TIPRL: variants seen among roughly 807,000 people sequenced by gnomAD.
The protein encoded by TIPRL is TIP41-like protein.
TIPRL carries 10 observed loss-of-function variants against 32.3 expected under a neutral mutation model. The ratio of observed to expected loss-of-function variants is 0.31; its 90% CI spans 0.19 to 0.52. The LOEUF is 0.52. TIPRL is among the 20% of genes least tolerant of loss of function. TIPRL has a pLI of 0.96. For synonymous variants in TIPRL, 100 were observed against 114.0 expected, an observed-to-expected ratio of 0.88 and a Z score of 0.78; for missense variants, 250 against 328.1, an observed-to-expected ratio of 0.76 and a Z score of 1.84.
rs1025181946 is a variant in TIPRL, at chr1:168,200,981, G to C, written c.*935G>C. The C allele has an allele frequency of 6.6e-6, 1 of 152,066 alleles. No homozygotes were observed. Among genetic ancestry groups the C allele is most frequent in the African/African-American group, 2.4e-5 (1 of 41,418 alleles). The allele number at this position is 152,066 out of a possible 1,614,324, so 9.4% of individuals were successfully genotyped here. ...GAGGAGGGGGTTTTAAAATATAAAAGCAAGTTTTTCTATTTTAAGGTGCAT... is the reference window on the plus strand; with the variant it reads ...GAGGAGGGGGTTTTAAAATATAAAACCAAGTTTTTCTATTTTAAGGTGCAT... On this transcript the variant is annotated 3_prime_UTR_variant, in exon 7 of 7. Transcript: ENST00000367833.
At chr1:168,199,821 T>C in intron 6 of TIPRL, 82 bp from the exon 7 acceptor site, 1 of 1,453,948 alleles carries the variant, frequency 6.9e-7, no homozygotes. Flanking sequence ...TTTCCATGCT[T>C]TATGAATGCT....
intron 1 of TIPRL, among the ~76,000 whole-genome samples, chr1:168,181,605 A>G (rs1699964247): frequency 6.6e-6 from 1 of 151,436 alleles, no homozygotes; most frequent in Non-Finnish European, 1.5e-5. Context: ...TTGCACCAAC[A>G]TAATACAATA....
intron 4 of TIPRL, among the ~76,000 whole-genome samples, chr1:168,196,283 T>A (rs1700152425): frequency 6.6e-6 from 1 of 152,200 alleles, no homozygotes; most frequent in Non-Finnish European, 1.5e-5. Context: ...GGGTATGTTT[T>A]TAAGTCTTTT....
intron 3 of TIPRL, among the ~76,000 whole-genome samples, chr1:168,187,907 G>C (rs1360952558): frequency 1.3e-5 from 2 of 152,170 alleles, no homozygotes; most frequent in African/African-American, 4.8e-5. Context: ...AGGAAGGCGA[G>C]GCTGCAGTGA....
intron 4 of TIPRL, among the ~76,000 whole-genome samples, chr1:168,195,708 G>T (rs1700145887): frequency 6.6e-6 from 1 of 152,010 alleles, no homozygotes; most frequent in Non-Finnish European, 1.5e-5. Context: ...ACGTAGCTAG[G>T]ACTACAGGCT....
rs1700195825 is a variant in TIPRL at position 168,200,257 on chromosome 1, T to G, written c.*211T>G. 2.1e-6 allele frequency: 1 copy of G among 484,306 alleles called. No individual in the cohort carries two copies. The highest frequency in any genetic ancestry group is 3.7e-5 in the East Asian group (1 of 27,258). 30.0% of individuals were successfully genotyped at this position (484,306 alleles called of 1,614,324 possible). On this transcript the variant is annotated 3_prime_UTR_variant, in exon 7 of 7. Transcript: ENST00000367833. Reference sequence around the variant, plus strand: ...CACATTCATATTCCAGATTTATATTTTCTGGAGTTAAATTTGGATGATTTC... The same window carrying G: ...CACATTCATATTCCAGATTTATATTGTCTGGAGTTAAATTTGGATGATTTC...
intron 1 of TIPRL, 27 bp downstream of exon 1, chr1:168,179,208 G>A: frequency 6.2e-7 from 1 of 1,608,954 alleles, no homozygotes. Flanking sequence ...CGGGGTCTGG[G>A]CGCTGGCCGG....
intron 1 of TIPRL, among the ~76,000 whole-genome samples, chr1:168,181,136 C>G (rs1436813742): frequency 6.6e-6 from 1 of 151,812 alleles, no homozygotes; most frequent in African/African-American, 2.4e-5. Context: ...GCGCGTGCCA[C>G]CACGCCTGGC....
Position 168,200,138 on chromosome 1 carries a change from G to T in TIPRL, c.*92G>T, listed in dbSNP as rs1460528693. On this transcript the variant is annotated 3_prime_UTR_variant, in exon 7 of 7. Transcript: ENST00000367833. ...TTTTATTATGAGAATTAATTGCCTT[G>T]TTTATGTACAGATTTTCTGTAGCCT... 4 of 1,366,970 alleles carry T rather than the reference G, an allele frequency of 2.9e-6. No homozygotes were observed. The East Asian group carries it at 7.5e-5, about 26-fold the overall frequency. The allele number at this position is 1,366,970 out of a possible 1,614,324, so 84.7% of individuals were successfully genotyped here.
chr1:168,200,369 A>G lies in TIPRL; in HGVS notation c.*323A>G, dbSNP rs1410222299. ...CAGTCTGCATTCATCATGAAACACTATCTTCTACCAGGAGGAGGTTAATGT... is the reference window on the plus strand; with the variant it reads ...CAGTCTGCATTCATCATGAAACACTGTCTTCTACCAGGAGGAGGTTAATGT... On this transcript the variant is annotated 3_prime_UTR_variant, in exon 7 of 7. Transcript: ENST00000367833. 14 of 186,922 alleles carry G rather than the reference A, an allele frequency of 7.5e-5. No individual in the cohort carries two copies. Among genetic ancestry groups the G allele is most frequent in the Admixed American group, 7.0e-4 (12 of 17,176 alleles). 11.6% of individuals were successfully genotyped at this position (186,922 alleles called of 1,614,324 possible). A position where few individuals can be genotyped will look rare whatever the true frequency, so the allele number is the denominator to read the frequency against.
At chr1:168,184,483 T>C (rs1700004099) in intron 2 of TIPRL, among the ~76,000 whole-genome samples, 1 of 152,206 alleles carries the variant, frequency 6.6e-6, no homozygotes, top group Non-Finnish European at 1.5e-5. Context: ...AAATCAGCAA[T>C]TATTTACTTT....
intron 3 of TIPRL, among the ~76,000 whole-genome samples, chr1:168,188,974 C>T (rs1700061410): frequency 8.1e-6 from 1 of 123,502 alleles, no homozygotes; most frequent in African/African-American, 3.7e-5. Flanking sequence ...GAGCGAGACT[C>T]TGTCTCAAGA....
chr1:168,191,234 C>T (rs2102310368), intron 3 of TIPRL, 135 bp from the exon 4 acceptor site: 1 of 669,134 alleles, frequency 1.5e-6, no homozygotes, highest in Non-Finnish European at 2.3e-6. Context: ...CTAATGACAC[C>T]CAAATTTAGA....
At chr1:168,182,056 T>G (rs537754640) in intron 1 of TIPRL, among the ~76,000 whole-genome samples, 18 of 147,684 alleles carry the variant, frequency 1.2e-4, no homozygotes, top group African/African-American at 4.3e-4. Context: ...AGAGTAAGAC[T>G]CCGTCCCCCA....
intron 3 of TIPRL, among the ~76,000 whole-genome samples, chr1:168,186,131 G>A (rs1198299807): frequency 6.8e-6 from 1 of 147,872 alleles, no homozygotes; most frequent in Non-Finnish European, 1.5e-5. Flanking sequence ...AATAACGCTA[G>A]GAAGATGGAA....
intron 4 of TIPRL, among the ~76,000 whole-genome samples, chr1:168,194,440 C>T (rs1453822378): frequency 6.6e-6 from 1 of 152,216 alleles, no homozygotes; most frequent in African/African-American, 2.4e-5. Context: ...TCTCCTAATT[C>T]CTACTCTCTC....
Position 168,196,708 on chromosome 1 carries a change from A to G in TIPRL, c.612+66A>G, listed in dbSNP as rs1055750894. 28 of 1,141,012 alleles carry G rather than the reference A, an allele frequency of 2.5e-5. No homozygotes were observed. The East Asian group carries it at 4.4e-4, about 18-fold the overall frequency. The allele number at this position is 1,141,012 out of a possible 1,614,324, so 70.7% of individuals were successfully genotyped here. ...GCTTGTTTGTGTTGTTTAATTGTCA[A>G]TCTGAGAATTTGAAATTAAACAATC... On this transcript the variant is annotated intron_variant, in intron 5 of 6. Transcript: ENST00000367833.
At chr1:168,183,702 A>C (rs529932290) in intron 1 of TIPRL, among the ~76,000 whole-genome samples, 200 bp from the exon 2 acceptor site, 1 of 152,236 alleles carries the variant, frequency 6.6e-6, no homozygotes, top group Non-Finnish European at 1.5e-5. Context: ...TATTTAGCCC[A>C]CTACTTAGTA....
chr1:168,200,136 T>C lies in TIPRL; in HGVS notation c.*90T>C, dbSNP rs747365248. On this transcript the variant is annotated 3_prime_UTR_variant, in exon 7 of 7. Coordinates refer to ENST00000367833, the MANE Select transcript of TIPRL (RefSeq NM_152902.5). ...ATTTTTATTATGAGAATTAATTGCC[T>C]TGTTTATGTACAGATTTTCTGTAGC... 4.2e-6 allele frequency: 6 copies of C among 1,412,398 alleles called. No individual in the cohort carries two copies. The highest frequency in any genetic ancestry group is 5.7e-6 in the Non-Finnish European group (6 of 1,047,974). 87.5% of individuals were successfully genotyped at this position (1,412,398 alleles called of 1,614,324 possible). A position where few individuals can be genotyped will look rare whatever the true frequency, so the allele number is the denominator to read the frequency against.
Sources: allele counts gnomAD v4.1 joint callset (sites outside exome capture counted in the v4.1 genomes callset), GRCh38; gene constraint gnomAD v4.1.1; transcripts MANE v1.5; gene names NCBI Gene and HGNC (gene_info 2026-07-23, HGNC 2026-07-21).